LPA: variants seen among roughly 807,000 people sequenced by gnomAD.
The protein encoded by LPA is apolipoprotein(a).
In LPA, 199 loss-of-function variants were observed where a neutral mutation model predicts 197.9. The observed-to-expected ratio is 1.01, with a 90% CI of 0.90 to 1.13. The LOEUF is 1.13. LPA is among the 50% of genes most tolerant of loss of function. LPA has a pLI of 0.00. For synonymous variants in LPA, 715 were observed against 639.5 expected, an observed-to-expected ratio of 1.12 and a Z score of -1.78; for missense variants, 1,853 against 1,785.8, an observed-to-expected ratio of 1.04 and a Z score of -0.68.
intron 1 of LPA, among the ~76,000 whole-genome samples, chr6:160,652,598 TA>T (rs907246223): frequency 6.6e-6 from 1 of 152,120 alleles, no homozygotes; most frequent in African/African-American, 2.4e-5. Flanking sequence ...GGATCTACTG[TA>T]AAAGATAAGG....
At chr6:160,544,781 T>C (rs1583568522) in intron 33 of LPA, among the ~76,000 whole-genome samples, 1 of 152,110 alleles carries the variant, frequency 6.6e-6, no homozygotes, top group East Asian at 1.9e-4. Flanking sequence ...TTTTCCCCCA[T>C]GGATTTGTTA....
rs1407762615 is a variant in LPA at position 160,600,708 on chromosome 6, C to T, written c.3127+209G>A. ...AGTCGAGCACCCAGAATGGTTTCCG[C>T]CCATCCTAAAGACACAGCTCGCACA... On this transcript the variant is annotated intron_variant, in intron 19 of 38. Transcript: ENST00000316300. 4.6e-5 allele frequency among the ~76,000 whole-genome samples: 7 copies of T among 152,238 alleles called. No homozygotes were observed. The East Asian group carries it at 7.7e-4, about 17-fold the overall frequency.
At chr6:160,557,619 AG>A in intron 28 of LPA, 48 bp from the exon 29 acceptor site, 1 of 1,523,552 alleles carries the variant, frequency 6.6e-7, no homozygotes, top group Non-Finnish European at 9.1e-7. Context: ...GAAAAAATTC[AG>A]GGGCACCCAG....
In LPA at chr6:160,537,891, T is replaced by A. The variant is rs1777917833; in HGVS notation, c.5806A>T (p.Thr1936Ser). 4.3e-6 allele frequency: 7 copies of A among 1,614,226 alleles called. No individual in the cohort carries two copies. In the South Asian group the frequency reaches 7.7e-5, roughly 18 times the overall value. Residue 1936 changes from threonine to serine, a missense_variant, in exon 37 of 39, where the codon ACT (threonine) becomes TCT (serine). Thr to Ser is a moderately conservative substitution (Grantham distance 58). This residue lies in a region of LPA where 1,737 missense variants were observed against 1,504.4 expected (regional missense o/e 1.15). Coordinates refer to ENST00000316300, the MANE Select transcript of LPA (RefSeq NM_005577.4). ...PSPDYMVTAR[T>S]ECYITGWGET... ...CCCCAGCCAGTGATGTAACATTCAG[T>A]CCTGGCGGTGACCATGTAGTCTGGG...
intron 28 of LPA, among the ~76,000 whole-genome samples, chr6:160,565,324 C>T (rs909637845): frequency 6.6e-6 from 1 of 152,178 alleles, no homozygotes; most frequent in Non-Finnish European, 1.5e-5. Context: ...TGAGATGAAG[C>T]TTCCAGAGGA....
At chr6:160,597,904 C>T (rs188620798) in intron 20 of LPA, among the ~76,000 whole-genome samples, 22 of 152,314 alleles carry the variant, frequency 1.4e-4, no homozygotes, top group African/African-American at 5.1e-4. Context: ...CTTTGTTGTT[C>T]ACCTGTAAAG....
intron 37 of LPA, among the ~76,000 whole-genome samples, chr6:160,536,187 G>A (rs1435235257): frequency 6.6e-6 from 1 of 152,126 alleles, no homozygotes; most frequent in Non-Finnish European, 1.5e-5. Flanking sequence ...CACAGCATCT[G>A]CAGCCATGGG....
intron 19 of LPA, among the ~76,000 whole-genome samples, chr6:160,600,418 A>G (rs756811314): frequency 6.6e-6 from 1 of 152,178 alleles, no homozygotes; most frequent in East Asian, 1.9e-4. Flanking sequence ...TGAGAGATAG[A>G]GCTTCGGGAG....
chr6:160,610,324 T>C (rs577430246), intron 16 of LPA, among the ~76,000 whole-genome samples: 57 of 152,288 alleles, frequency 3.7e-4, no homozygotes, highest in African/African-American at 6.7e-4. Flanking sequence ...CACTTGCTTT[T>C]CAGCTGTGCA....
intron 30 of LPA, among the ~76,000 whole-genome samples, chr6:160,553,964 C>CGCAT (rs1554231720): frequency 2.8e-4 from 11 of 39,766 alleles, no homozygotes; most frequent in Middle Eastern, 0.02. Context: ...TGCGCGCGCG[C>CGCAT]GCGTGTGCGT....
At chr6:160,658,924 G>A (rs956224259) in intron 1 of LPA, among the ~76,000 whole-genome samples, 21 of 151,796 alleles carry the variant, frequency 1.4e-4, no homozygotes, top group Middle Eastern at 3.2e-3. Flanking sequence ...ATGTATATAT[G>A]TGTATATATA....
At chr6:160,574,295 G>C (rs1267224825) in intron 28 of LPA, among the ~76,000 whole-genome samples, 2 of 151,924 alleles carry the variant, frequency 1.3e-5, no homozygotes, top group Non-Finnish European at 2.9e-5. Flanking sequence ...TGGGGGGAAA[G>C]TCAGGCTTGA....
chr6:160,606,854 T>A (rs1027571766), intron 16 of LPA, among the ~76,000 whole-genome samples, 196 bp from the exon 17 acceptor site: 1 of 152,066 alleles, frequency 6.6e-6, no homozygotes. Flanking sequence ...ACTTAAAAGA[T>A]TATTATTATA....
rs1305089105 is a variant in LPA, at chr6:160,578,651, C to T, written c.4343G>A (p.Cys1448Tyr). The T allele has an allele frequency of 6.2e-7, 1 of 1,613,842 alleles. No individual in the cohort carries two copies. Among genetic ancestry groups the T allele is most frequent in the Non-Finnish European group, 8.5e-7 (1 of 1,179,924 alleles). Residue 1448 changes from cysteine (C) to tyrosine (Y), a missense_variant, in exon 27 of 39, where the codon TGT becomes TAT. Physicochemically the swap from Cys to Tyr is radical, Grantham distance 194 (BLOSUM62 -2). This residue lies in a region of LPA where 1,737 missense variants were observed against 1,504.4 expected (regional missense o/e 1.15). Transcript: ENST00000316300. ...CCTGACACTGGGATCCATGGTGTAA[C>T]ACCAAGGGCGAATCTCAGCATCTGG... ...RNPDAEIRPW[C>Y]YTMDPSVRWE...
At chr6:160,657,448 G>A (rs1301524652) in intron 1 of LPA, among the ~76,000 whole-genome samples, 1 of 148,634 alleles carries the variant, frequency 6.7e-6, no homozygotes, top group Non-Finnish European at 1.5e-5. Context: ...TACCAGGCTG[G>A]AATGCAGTGG....
chr6:160,602,372 G>A (rs1452966604), intron 18 of LPA, among the ~76,000 whole-genome samples: 2 of 152,066 alleles, frequency 1.3e-5, no homozygotes, highest in East Asian at 1.9e-4. Context: ...ATACCATCGT[G>A]GATAAGGTAA....
intron 30 of LPA, among the ~76,000 whole-genome samples, chr6:160,551,382 T>C (rs1395139633): frequency 6.6e-6 from 1 of 152,326 alleles, no homozygotes; most frequent in East Asian, 1.9e-4. Context: ...GCCCATTAGT[T>C]GTTTGTCCTC....
At chr6:160,631,991 A>AGTTTGTGTGTGTGT (rs1554240939) in intron 8 of LPA, among the ~76,000 whole-genome samples, 2 of 131,334 alleles carry the variant, frequency 1.5e-5, no homozygotes, top group East Asian at 2.2e-4. Flanking sequence ...GTGTGTTTTC[A>AGTTTGTGTGTGTGT]GTGTGTGTGT....
intron 18 of LPA, among the ~76,000 whole-genome samples, chr6:160,603,512 C>T (rs550079151): frequency 1.3e-4 from 20 of 152,198 alleles, no homozygotes; most frequent in African/African-American, 2.2e-4. Flanking sequence ...TGCTTCATTC[C>T]GTATTCATGT....
Sources: allele counts gnomAD v4.1 joint callset (sites outside exome capture counted in the v4.1 genomes callset), GRCh38; gene constraint gnomAD v4.1.1; regional missense constraint gnomAD v4.1.1; transcripts MANE v1.5; gene names NCBI Gene and HGNC (gene_info 2026-07-23, HGNC 2026-07-21).